The following LYPD6B variants were observed in gnomAD, a reference collection of about 807,000 sequenced individuals.
LYPD6B encodes LY6/PLAUR domain containing 6B.
In LYPD6B, 17 loss-of-function variants were observed where a neutral mutation model predicts 22.8. That is an observed-to-expected ratio of 0.75 (90% CI 0.51 to 1.12). The LOEUF (loss-of-function observed/expected upper bound fraction) is 1.12, where lower values mean the gene tolerates loss of function less well. Ranked by LOEUF, LYPD6B falls within the 50% of genes most tolerant of loss-of-function variation. LYPD6B has a pLI of 0.00. For missense variants in LYPD6B, 221 were observed against 258.3 expected, an observed-to-expected ratio of 0.86 and a Z score of 0.99; for synonymous variants, 106 against 91.6, an observed-to-expected ratio of 1.16 and a Z score of -0.90.
intron 1 of LYPD6B, among the ~76,000 whole-genome samples, chr2:149,054,585 A>G (rs1227681311): frequency 6.6e-6 from 1 of 152,106 alleles, no homozygotes; most frequent in South Asian, 2.1e-4. Context: ...AACATGAAAC[A>G]CGAAAGGTTT....
At chr2:149,098,768 T>TC (rs1686045144) in intron 1 of LYPD6B, among the ~76,000 whole-genome samples, 1 of 149,970 alleles carries the variant, frequency 6.7e-6, no homozygotes, top group Non-Finnish European at 1.5e-5. Context: ...GCTTTTTCTT[T>TC]TTTTTTTTTT....
chr2:149,110,130 C>T (rs1686687260), intron 1 of LYPD6B, among the ~76,000 whole-genome samples: 1 of 152,142 alleles, frequency 6.6e-6, no homozygotes, highest in South Asian at 2.1e-4. Context: ...CCATTAATCC[C>T]ATCCAATGTA....
chr2:149,078,855 A>G (rs1268076237), intron 1 of LYPD6B, among the ~76,000 whole-genome samples: 1 of 152,012 alleles, frequency 6.6e-6, no homozygotes, highest in Non-Finnish European at 1.5e-5. Flanking sequence ...AACATTTATA[A>G]AAATTAGCAG....
intron 1 of LYPD6B, among the ~76,000 whole-genome samples, chr2:149,108,214 C>T (rs35812538): frequency 0.24 from 37,191 of 152,116 alleles, 5,349 homozygotes; most frequent in East Asian, 0.56. Context: ...TGACTTGCTC[C>T]TCCTTGCCTT....
chr2:149,141,131 T>C (rs539454815), intron 2 of LYPD6B, among the ~76,000 whole-genome samples: 15 of 152,020 alleles, frequency 9.9e-5, no homozygotes, highest in Admixed American at 9.2e-4. Flanking sequence ...AAAATAGAGA[T>C]TGATAGGGTA....
intron 3 of LYPD6B, among the ~76,000 whole-genome samples, chr2:149,170,125 A>G (rs1053016485): frequency 6.6e-6 from 1 of 152,186 alleles, no homozygotes; most frequent in Non-Finnish European, 1.5e-5. Flanking sequence ...TGGCCATCTT[A>G]ATGGTCAGTA....
Position 149,214,907 on chromosome 2 carries a change from GGGCCT to G in LYPD6B, c.*199_*203del. 5.0e-6 allele frequency: 3 copies of G among 604,042 alleles called. No individual in the cohort carries two copies. In the East Asian group the frequency reaches 8.3e-5, roughly 17 times the overall value. The allele number at this position is 604,042 out of a possible 1,614,324, so 37.4% of individuals were successfully genotyped here. On this transcript the variant is annotated 3_prime_UTR_variant, in exon 7 of 7. Transcript: ENST00000409642. ...CAGGACTGAGGATGGGAATTTGGCA[GGGCCT>G]GAGAAGATGGTCTGACTTCCAGGCT...
At chr2:149,120,379 A>T (rs528939877) in intron 1 of LYPD6B, among the ~76,000 whole-genome samples, 9,387 of 42,330 alleles carry the variant, frequency 0.22, 1,231 homozygotes, top group Non-Finnish European at 0.27. Context: ...ATATATATAT[A>T]TATATTTTTT....
At chr2:149,172,024 A>T (rs1448612611) in intron 3 of LYPD6B, among the ~76,000 whole-genome samples, 1 of 152,166 alleles carries the variant, frequency 6.6e-6, no homozygotes, top group Non-Finnish European at 1.5e-5. Flanking sequence ...GCTACTAAAG[A>T]TATACTGAGA....
intron 2 of LYPD6B, among the ~76,000 whole-genome samples, chr2:149,153,029 A>G (rs1208229039): frequency 6.6e-6 from 1 of 152,166 alleles, no homozygotes; most frequent in Non-Finnish European, 1.5e-5. Flanking sequence ...GAAGGGGAAA[A>G]CAAGACTCCC....
rs1036249368 is a variant in LYPD6B at position 149,189,363 on chromosome 2, TATATAC to T, written c.78-15888_78-15883del. On this transcript the variant is annotated intron_variant, in intron 3 of 6. Coordinates refer to ENST00000409642, the MANE Select transcript of LYPD6B (RefSeq NM_177964.5). The stretch of plus-strand genomic sequence containing the variant: ...AAAATTATATATATATATATATATA[TATATAC>T]ACACACATATGTATATATGTATATA... Among the ~76,000 whole-genome samples the T allele has an allele frequency of 2.7e-4, 25 of 92,322 alleles. No homozygotes were observed. In the South Asian group the frequency reaches 4.1e-3, roughly 15 times the overall value. 60.6% of individuals were successfully genotyped at this position (92,322 alleles called of 152,430 possible).
intron 1 of LYPD6B, among the ~76,000 whole-genome samples, chr2:149,059,448 C>A (rs1330738373): frequency 6.6e-6 from 1 of 152,194 alleles, no homozygotes; most frequent in Non-Finnish European, 1.5e-5. Context: ...TCAGCCTTGG[C>A]AGAGGAAACC....
chr2:149,177,963 G>A (rs1691441055), intron 3 of LYPD6B, among the ~76,000 whole-genome samples: 1 of 150,118 alleles, frequency 6.7e-6, no homozygotes, highest in Non-Finnish European at 1.5e-5. Context: ...AATTTTCACT[G>A]TATTTTTTAT....
At chr2:149,102,406 A>AAGG (rs1343910101) in intron 1 of LYPD6B, among the ~76,000 whole-genome samples, 1 of 152,168 alleles carries the variant, frequency 6.6e-6, no homozygotes, top group Non-Finnish European at 1.5e-5. Context: ...AAGCAAATAA[A>AAGG]AGGGAACATT....
rs994816110 is a variant in LYPD6B at position 149,188,654 on chromosome 2, A to G, written c.78-16599A>G. On this transcript the variant is annotated intron_variant, in intron 3 of 6. Coordinates refer to ENST00000409642, the MANE Select transcript of LYPD6B (RefSeq NM_177964.5). ...AAGTCAATAATTTTCCATTTGTATT[A>G]CAGCTAATTAGTCTAAGGAAAATGG... 3.8e-5 allele frequency: 36 copies of G among 949,448 alleles called. No individual in the cohort carries two copies. The African/African-American group carries it at 6.0e-4, about 16-fold the overall frequency. 58.8% of individuals were successfully genotyped at this position (949,448 alleles called of 1,614,324 possible). A position where few individuals can be genotyped will look rare whatever the true frequency, so the allele number is the denominator to read the frequency against.
chr2:149,120,789 T>TTTTA (rs1687300711), intron 1 of LYPD6B, among the ~76,000 whole-genome samples: 1 of 83,034 alleles, frequency 1.2e-5, no homozygotes, highest in Non-Finnish European at 2.8e-5. Flanking sequence ...AAAGTCTTTT[T>TTTTA]TTTTTTTTTT....
intron 1 of LYPD6B, among the ~76,000 whole-genome samples, chr2:149,052,827 T>A (rs1213117399): frequency 2.6e-5 from 4 of 152,196 alleles, no homozygotes; most frequent in Non-Finnish European, 5.9e-5. Context: ...TTCTAAACAT[T>A]TATGTTTATT....
chr2:149,086,107 G>A (rs1685376697), intron 1 of LYPD6B, among the ~76,000 whole-genome samples: 1 of 152,202 alleles, frequency 6.6e-6, no homozygotes, highest in African/African-American at 2.4e-5. Flanking sequence ...ATGGAATACA[G>A]CCCATTTTCT....
At chr2:149,055,231 A>G (rs1010202857) in intron 1 of LYPD6B, among the ~76,000 whole-genome samples, 1 of 152,228 alleles carries the variant, frequency 6.6e-6, no homozygotes, top group African/African-American at 2.4e-5. Context: ...TAGATTCTCA[A>G]TTCTATTCCA....
Sources: gnomAD v4.1 joint callset for allele counts (sites outside exome capture counted in the v4.1 genomes callset) on GRCh38, gnomAD v4.1.1 for gene constraint, MANE v1.5 for transcripts, NCBI Gene and HGNC (gene_info 2026-07-23, HGNC 2026-07-21) for gene names.